ARSG: variants seen among roughly 807,000 people sequenced by gnomAD.
ARSG encodes arylsulfatase G, also known as ASG.
ARSG carries 37 observed loss-of-function variants against 50.5 expected under a neutral mutation model. The observed-to-expected ratio is 0.73, with a 90% confidence interval of 0.56 to 0.96. The LOEUF is 0.96. Ranked by LOEUF, ARSG falls within the 50% of genes least tolerant of loss-of-function variation. The pLI, the probability that ARSG is intolerant of heterozygous loss-of-function variation, is 0.00. For synonymous variants in ARSG, 225 were observed against 254.6 expected (o/e 0.88, Z 1.11); for missense variants, 629 against 675.3 (o/e 0.93, Z 0.76).
chr17:68,390,609 C>T lies in ARSG; in HGVS notation c.1092-4464C>T, dbSNP rs2080945385. On this transcript the variant is annotated intron_variant, in intron 9 of 11. Transcript: ENST00000621439. ...CCATCAGACCCATGAGGCATAGTGC[C>T]AGAGTCCATGGAATTTTGGAATTTT... 2.6e-5 allele frequency among the ~76,000 whole-genome samples: 4 copies of T among 151,966 alleles called. 1 individual carries two copies. The South Asian group carries it at 8.3e-4, about 32-fold the overall frequency.
chr17:68,323,681 A>G (rs1180491897), intron 2 of ARSG, among the ~76,000 whole-genome samples: 2 of 152,170 alleles, frequency 1.3e-5, no homozygotes, highest in Non-Finnish European at 2.9e-5. Context: ...GGGTTTCCAC[A>G]TATGAATTTC....
chr17:68,262,170 C>CA (rs35446089), intron 1 of ARSG, among the ~76,000 whole-genome samples: 2,261 of 138,156 alleles, frequency 0.016, 36 homozygotes, highest in Middle Eastern at 0.03. Flanking sequence ...CGAAAACAAA[C>CA]AAAAAAAAAA....
chr17:68,394,959 C>T, intron 9 of ARSG, 114 bp from the exon 10 acceptor site: 1 of 1,469,298 alleles, frequency 6.8e-7, no homozygotes, highest in South Asian at 1.3e-5. Flanking sequence ...TAAGCCAGCC[C>T]ATAGGAGAGG....
intron 11 of ARSG, among the ~76,000 whole-genome samples, chr17:68,403,716 T>TTTA (rs1568583861): frequency 2.0e-5 from 3 of 152,230 alleles, no homozygotes; most frequent in African/African-American, 7.2e-5. Flanking sequence ...TTTCTTTTTT[T>TTTA]TTATTATTAT....
At chr17:68,357,569 C>A (rs545080548) in intron 6 of ARSG, among the ~76,000 whole-genome samples, 4 of 152,278 alleles carry the variant, frequency 2.6e-5, no homozygotes, top group African/African-American at 9.6e-5. Flanking sequence ...TGCCATATAC[C>A]GTAACATTCA....
intron 11 of ARSG, among the ~76,000 whole-genome samples, chr17:68,411,340 T>C (rs1374057844): frequency 1.3e-5 from 2 of 151,936 alleles, no homozygotes; most frequent in African/African-American, 4.8e-5. Flanking sequence ...TTCTTGTTGG[T>C]TTCAAAGAAC....
At chr17:68,343,505 T>G in intron 2 of ARSG, 99 bp from the exon 3 acceptor site, 2 of 1,194,532 alleles carry the variant, frequency 1.7e-6, no homozygotes, top group Non-Finnish European at 2.3e-6. Context: ...TCTTTGATCT[T>G]TGAGCACTGA....
At chr17:68,268,683 A>G (rs1158162987) in intron 1 of ARSG, 1 of 167,108 alleles carries the variant, frequency 6.0e-6, no homozygotes, top group African/African-American at 2.4e-5. Context: ...AGAGTAGTTT[A>G]TTCAGACAAG....
At chr17:68,291,297 T>TC (rs1229478476), upstream of ARSG, 1 of 32,188 alleles carries the variant, frequency 3.1e-5, no homozygotes, top group African/African-American at 1.3e-4. Context: ...AGCCACACCC[T>TC]CCCCCCGCCC....
intron 2 of ARSG, among the ~76,000 whole-genome samples, chr17:68,331,213 CTTTCTTTCTTTCTTTCT>C (rs1568477654): frequency 4.6e-4 from 19 of 41,032 alleles, no homozygotes; most frequent in African/African-American, 1.9e-3. Flanking sequence ...TTCTTTCTTT[CTTTCTTTCTTTCTTTCT>C]TTGTTTCTTT....
chr17:68,296,965 G>A lies in ARSG; in HGVS notation c.-552+5397G>A, dbSNP rs1357746660. Among the ~76,000 whole-genome samples, 5 of 152,214 alleles carry A rather than the reference G, an allele frequency of 3.3e-5. No homozygotes were observed. In the South Asian group the frequency reaches 1.0e-3, roughly 31 times the overall value. On this transcript the variant is annotated intron_variant, in intron 1 of 11. Coordinates refer to ENST00000621439, the MANE Select transcript of ARSG (RefSeq NM_001267727.2). ...AAGCTGGCAGGGCGAGGCAGAGCAG[G>A]CTGGGCTGTTGATGTTCATGTTACA... is the stretch of plus-strand genomic sequence containing the variant.
downstream of ARSG, chr17:68,427,128 C>T (rs1239366987): frequency 6.2e-7 from 1 of 1,612,180 alleles, no homozygotes; most frequent in Admixed American, 1.7e-5. Flanking sequence ...GCCCCGTGTC[C>T]ACCCACCTGG....
chr17:68,310,679 C>T (rs542831293), intron 2 of ARSG, among the ~76,000 whole-genome samples: 13 of 152,280 alleles, frequency 8.5e-5, no homozygotes, highest in African/African-American at 1.4e-4. Context: ...CTTAGGATGA[C>T]GCATAGGGCA....
chr17:68,415,271 T>G (rs545662876), intron 11 of ARSG, among the ~76,000 whole-genome samples: 2 of 152,338 alleles, frequency 1.3e-5, no homozygotes, highest in South Asian at 4.1e-4. Context: ...TTGATTTCAT[T>G]TTTGACTCAA....
At chr17:68,368,356 A>G (rs771510090) in intron 6 of ARSG, among the ~76,000 whole-genome samples, 192 bp from the exon 7 acceptor site, 4 of 152,230 alleles carry the variant, frequency 2.6e-5, no homozygotes, top group African/African-American at 9.6e-5. Flanking sequence ...TGTTATTACA[A>G]TTCTCATTTT....
chr17:68,444,705 T>G, the ARSG span: 1 of 748,036 alleles, frequency 1.3e-6, no homozygotes. Flanking sequence ...TAAAGCAGAA[T>G]TTTGATGATG....
chr17:68,294,667 G>T lies in ARSG; in HGVS notation c.-552+3099G>T, dbSNP rs142535529. 7.2e-5 allele frequency among the ~76,000 whole-genome samples: 11 copies of T among 152,202 alleles called. No homozygotes were observed. In the East Asian group the frequency reaches 2.1e-3, roughly 29 times the overall value. ...TTCCACCCACCATGCTCCCACCCAG[G>T]GGCTTGTGTTCTGGGCAAGTGACTT... On this transcript the variant is annotated intron_variant, in intron 1 of 11. Coordinates refer to ENST00000621439, the MANE Select transcript of ARSG (RefSeq NM_001267727.2).
At chr17:68,422,947 G>A (rs1015964918), downstream of ARSG, among the ~76,000 whole-genome samples, 4 of 152,084 alleles carry the variant, frequency 2.6e-5, no homozygotes, top group African/African-American at 9.7e-5. Flanking sequence ...TGCTCTCAGA[G>A]CAAAAGTAAA....
chr17:68,396,889 CA>C (rs1236174605), intron 10 of ARSG, among the ~76,000 whole-genome samples: 2 of 152,154 alleles, frequency 1.3e-5, no homozygotes, highest in Non-Finnish European at 2.9e-5. Flanking sequence ...AGCAGCCAGG[CA>C]GGAAGATGGT....
Sources: allele counts gnomAD v4.1 joint callset (sites outside exome capture counted in the v4.1 genomes callset), GRCh38; gene constraint gnomAD v4.1.1; transcripts MANE v1.5; gene names NCBI Gene and HGNC (gene_info 2026-07-23, HGNC 2026-07-21).